Variants in DHX37 observed in about 807,000 individuals in gnomAD.
DHX37 encodes the protein DEAH-box helicase 37.
Under a neutral mutation model 134.3 loss-of-function variants are expected in DHX37, and 52 were observed. That is an observed-to-expected ratio of 0.39 (90% confidence interval 0.31 to 0.49). DHX37 has a LOEUF of 0.49. DHX37 is among the 20% of genes least tolerant of loss of function. The pLI is 0.93. For missense variants in DHX37, 1,344 were observed against 1,580.8 expected (o/e 0.85, Z 2.54); for synonymous variants, 634 against 670.7 (o/e 0.95, Z 0.85).
chr12:124,965,858 T>C, intron 12 of DHX37, 46 bp from the exon 13 acceptor site: 6 of 1,589,284 alleles, frequency 3.8e-6, no homozygotes, highest in Non-Finnish European at 5.2e-6. Flanking sequence ...GGATCCTGGG[T>C]GTGAGGACGT....
chr12:124,966,673 AT>A, intron 12 of DHX37, 119 bp downstream of exon 12: 2 of 1,113,668 alleles, frequency 1.8e-6, no homozygotes, highest in South Asian at 2.8e-5. Context: ...CAGGAACTGG[AT>A]TTTTAACTTC....
chr12:124,950,496 T>G lies in DHX37; in HGVS notation c.3038A>C (p.Gln1013Pro), dbSNP rs1953955584. Residue 1013 changes from glutamine (Q) to proline (P), a missense_variant, in exon 23 of 27, where the codon CAG (glutamine) becomes CCG (proline). Around this residue, in one of 7 missense-constraint regions of DHX37, gnomAD observed 558 missense variants for 650.0 expected, o/e 0.86. Coordinates refer to ENST00000308736, the MANE Select transcript of DHX37 (RefSeq NM_032656.4). ...WIPALLPSYC[Q>P]FDKPLEEPAP... ...TGGTTCCTCCAGGGGCTTGTCAAAC[T>G]GGCAGTAAGAGGGCAGCAGGGCCGG... The G allele has an allele frequency of 1.3e-6, 2 of 1,570,364 alleles. No homozygotes were observed. The highest frequency in any genetic ancestry group is 2.7e-5 in the African/African-American group (2 of 73,378).
chr12:124,964,914 G>A lies in DHX37; in HGVS notation c.1812+16C>T, dbSNP rs768201691. On this transcript the variant is annotated intron_variant, in intron 14 of 26. Transcript: ENST00000308736. The stretch of plus-strand genomic sequence containing the variant: ...AAAAGTGCCCCAAAAGCTGGGCACC[G>A]GCCCAGCACGGTTACCTGTGCTTGC... 1.6e-5 allele frequency: 25 copies of A among 1,578,812 alleles called. No homozygotes were observed. Among genetic ancestry groups the A allele is most frequent in the African/African-American group, 9.4e-5 (7 of 74,760 alleles).
In DHX37 at chr12:124,947,589, C is replaced by G; in HGVS notation, c.*213G>C. On this transcript the variant is annotated 3_prime_UTR_variant, in exon 27 of 27. Coordinates refer to ENST00000308736, the MANE Select transcript of DHX37 (RefSeq NM_032656.4). ...AAATCATCATCCACCATATAATAAA[C>G]AGTTCAAAAAGTCACCCCCGGGCCA... 3.6e-6 allele frequency: 2 copies of G among 562,412 alleles called. No individual in the cohort carries two copies. The highest frequency in any genetic ancestry group is 5.8e-5 in the East Asian group (2 of 34,746). The allele number at this position is 562,412 out of a possible 1,614,324, so 34.8% of individuals were successfully genotyped here. A position where few individuals can be genotyped will look rare whatever the true frequency, so the allele number is the denominator to read the frequency against.
In DHX37 at chr12:124,950,677, C is replaced by G. The variant is rs768060240; in HGVS notation, c.2983+13G>C. On this transcript the variant is annotated intron_variant, in intron 22 of 26. Transcript: ENST00000308736. Reference sequence around the variant, plus strand: ...CCATCGGGGGACAAGGGGCTGTCCGCAGGCCTCGGCACCTTTCATGTACAT... The same window carrying G: ...CCATCGGGGGACAAGGGGCTGTCCGGAGGCCTCGGCACCTTTCATGTACAT... The G allele has an allele frequency of 6.2e-7, 1 of 1,611,680 alleles. No homozygotes were observed. Among genetic ancestry groups the G allele is most frequent in the Non-Finnish European group, 8.5e-7 (1 of 1,179,014 alleles).
In DHX37 at chr12:124,978,633, T is replaced by A. The variant is rs1385919937; in HGVS notation, c.739-1143A>T. On this transcript the variant is annotated intron_variant, in intron 4 of 26. Coordinates refer to ENST00000308736, the MANE Select transcript of DHX37 (RefSeq NM_032656.4). ...GTGCCTGGCCTCCATTTGTTTTTTT[T>A]AAAAATATGAGGCCAGGCATGATGG... Among the ~76,000 whole-genome samples, 61 of 138,782 alleles carry A rather than the reference T, an allele frequency of 4.4e-4. 1 individual carries two copies. The highest frequency in any genetic ancestry group is 3.8e-3 in the Admixed American group (54 of 14,196). 91.0% of individuals were successfully genotyped at this position (138,782 alleles called of 152,430 possible). A position where few individuals can be genotyped will look rare whatever the true frequency, so the allele number is the denominator to read the frequency against.
Position 124,954,122 on chromosome 12 carries a change from G to T in DHX37, c.2543C>A (p.Ala848Asp). ...CATGAGGTCGCCGAGCTTCAGAGAA[G>T]CCCCCTGCCCTGCCCAGGTCCTCTT... ...QMKRTWAGQG[A>D]SLKLGDLMVL... The change falls in exon 19 of 27, where the codon GCT becomes GAT. Residue 848 changes from alanine to aspartate, a missense_variant. Ala to Asp is a moderately radical substitution (Grantham distance 126). Around this residue, in one of 7 missense-constraint regions of DHX37, gnomAD observed 558 missense variants for 650.0 expected, o/e 0.86. Transcript: ENST00000308736. 6.2e-7 allele frequency: 1 copy of T among 1,611,412 alleles called. No individual in the cohort carries two copies.
chr12:124,961,660 C>T (rs1021175445), intron 15 of DHX37, among the ~76,000 whole-genome samples: 1 of 152,176 alleles, frequency 6.6e-6, no homozygotes, highest in East Asian at 1.9e-4. Context: ...AACTCCTGAC[C>T]TTGTGATCTG....
At chr12:124,962,009 G>A (rs1954275773) in intron 15 of DHX37, among the ~76,000 whole-genome samples, 1 of 152,106 alleles carries the variant, frequency 6.6e-6, no homozygotes. Context: ...GGGCAGGGCT[G>A]TGTGTGACAG....
chr12:124,971,003 T>C (rs141542717), intron 8 of DHX37, among the ~76,000 whole-genome samples: 489 of 152,340 alleles, frequency 3.2e-3, no homozygotes, highest in Middle Eastern at 6.8e-3. Flanking sequence ...ACCAGCCCCA[T>C]TGCGCCTGGC....
At chr12:124,952,692 C>G (rs1953999426) in intron 20 of DHX37, 122 bp from the exon 21 acceptor site, 1 of 1,055,420 alleles carries the variant, frequency 9.5e-7, no homozygotes, top group Non-Finnish European at 1.2e-6. Flanking sequence ...TTGTCTCAAC[C>G]CCTCCCCAGA....
Position 124,965,824 on chromosome 12 carries a change from A to C in DHX37, c.1591-12T>G. On this transcript the variant is annotated splice_polypyrimidine_tract_variant and intron_variant, in intron 12 of 26. Transcript: ENST00000308736. ...ATCTGGGGCAGCACCTACGGCGAAC[A>C]AGACATAGACACCTGGGCTGCAGGG... 6.2e-7 allele frequency: 1 copy of C among 1,612,278 alleles called. No homozygotes were observed. Among genetic ancestry groups the C allele is most frequent in the Non-Finnish European group, 8.5e-7 (1 of 1,178,988 alleles).
Position 124,947,646 on chromosome 12 carries a change from G to A in DHX37, c.*156C>T. 1 of 989,624 alleles carries A rather than the reference G, an allele frequency of 1.0e-6. No individual in the cohort carries two copies. Among genetic ancestry groups the A allele is most frequent in the African/African-American group, 1.6e-5 (1 of 61,354 alleles). 61.3% of individuals were successfully genotyped at this position (989,624 alleles called of 1,614,324 possible). A position where few individuals can be genotyped will look rare whatever the true frequency, so the allele number is the denominator to read the frequency against. On this transcript the variant is annotated 3_prime_UTR_variant, in exon 27 of 27. Coordinates refer to ENST00000308736, the MANE Select transcript of DHX37 (RefSeq NM_032656.4). The stretch of plus-strand genomic sequence containing the variant: ...ACGGGCGGCAGCACCCTTCATACGG[G>A]ATCGAGCTCTCATGGATGAGGGTTC...
At chr12:124,972,684 C>G in intron 6 of DHX37, 85 bp from the exon 7 acceptor site, 1 of 1,410,170 alleles carries the variant, frequency 7.1e-7, no homozygotes. Flanking sequence ...GGCCGTGGAG[C>G]AGGCAGGCGG....
intron 10 of DHX37, among the ~76,000 whole-genome samples, chr12:124,967,669 C>T (rs958468331): frequency 6.6e-6 from 1 of 152,172 alleles, no homozygotes; most frequent in Non-Finnish European, 1.5e-5. Flanking sequence ...GCAGCAACCT[C>T]GGCTTCCTTG....
At chr12:124,986,484 G>T (rs1954875639) in intron 1 of DHX37, among the ~76,000 whole-genome samples, 1 of 152,106 alleles carries the variant, frequency 6.6e-6, no homozygotes, top group Non-Finnish European at 1.5e-5. Flanking sequence ...GCTGAGGCAG[G>T]TGGCTCACTT....
intron 8 of DHX37, among the ~76,000 whole-genome samples, chr12:124,971,064 A>G (rs1954512584): frequency 6.6e-6 from 1 of 152,196 alleles, no homozygotes; most frequent in Non-Finnish European, 1.5e-5. Context: ...GGAGAAGGAC[A>G]CCAGTTTATG....
intron 18 of DHX37, among the ~76,000 whole-genome samples, chr12:124,955,362 C>T (rs2135932846): frequency 6.6e-6 from 1 of 152,356 alleles, no homozygotes; most frequent in South Asian, 2.1e-4. Context: ...GTTCTTGGGC[C>T]TTCAGACCCC....
Position 124,957,094 on chromosome 12 carries a change from G to C in DHX37, c.2199C>G (p.Ala733=), listed in dbSNP as rs1192405740. ...FPFPTPPSVE[A]LLAAEELLIA... is the part of the protein sequence containing the mutation. Reference sequence around the variant, plus strand: ...TCAACAGCTCCTCGGCGGCAAGAAGGGCTTCCACGGAGGGGGGCGTCGGGA... The same window carrying C: ...TCAACAGCTCCTCGGCGGCAAGAAGCGCTTCCACGGAGGGGGGCGTCGGGA... Residue 733 remains alanine, a synonymous_variant, in exon 17 of 27, where the codon GCC becomes GCG. Transcript: ENST00000308736. 6.7e-7 allele frequency: 1 copy of C among 1,496,750 alleles called. No individual in the cohort carries two copies. Among genetic ancestry groups the C allele is most frequent in the East Asian group, 2.5e-5 (1 of 40,144 alleles). The allele number at this position is 1,496,750 out of a possible 1,614,324, so 92.7% of individuals were successfully genotyped here.
Sources: gnomAD v4.1 joint callset for allele counts (sites outside exome capture counted in the v4.1 genomes callset) on GRCh38, gnomAD v4.1.1 for gene constraint, gnomAD v4.1.1 regional missense constraint, MANE v1.5 for transcripts, NCBI Gene and HGNC (gene_info 2026-07-23, HGNC 2026-07-21) for gene names.